Variants in PLS1 observed in about 807,000 individuals in gnomAD.
PLS1 encodes plastin 1.
Under a neutral mutation model 73.7 loss-of-function variants are expected in PLS1, and 32 were observed. That is an observed-to-expected ratio of 0.43 (90% CI 0.33 to 0.58). The LOEUF (loss-of-function observed/expected upper bound fraction) is 0.58, where lower values mean the gene tolerates loss of function less well. PLS1 is among the 20% of genes least tolerant of loss of function. The pLI, the probability that PLS1 is intolerant of heterozygous loss-of-function variation, is 0.04. For missense variants in PLS1, 633 were observed against 740.5 expected (o/e 0.85, Z 1.68); for synonymous variants, 217 against 261.3 (o/e 0.83, Z 1.63).
rs140388733 is a variant in PLS1, at chr3:142,666,795, C to G, written c.70+2488C>G. ...ACCAGGGTTCCATTTTCTTCACATC[C>G]TCACCAACACTTGTTTTCTGTTCTT... On this transcript the variant is annotated intron_variant, in intron 2 of 15. Transcript: ENST00000457734. 3.9e-5 allele frequency among the ~76,000 whole-genome samples: 6 copies of G among 152,312 alleles called. No homozygotes were observed. The East Asian group carries it at 9.6e-4, about 24-fold the overall frequency.
intron 1 of PLS1, among the ~76,000 whole-genome samples, chr3:142,597,987 A>G (rs1436197613): frequency 1.3e-5 from 2 of 152,018 alleles, no homozygotes; most frequent in African/African-American, 2.4e-5. Flanking sequence ...TCCCTCAGTC[A>G]CCTGGGCCCT....
At chr3:142,678,144 T>G (rs2037762751) in intron 6 of PLS1, 31 bp downstream of exon 6, 1 of 1,073,796 alleles carries the variant, frequency 9.3e-7, no homozygotes, top group East Asian at 2.7e-5. Flanking sequence ...TATTATCATG[T>G]TACTATGCTG....
chr3:142,686,354 C>A lies in PLS1; in HGVS notation c.959C>A (p.Ala320Asp). ...GGTGGGGAAGATGGACCTGCCATTG[C>A]CATTGACCTTTCAGGAATTAATGTG... ...PKGGEDGPAI[A>D]IDLSGINETN... The change falls in exon 9 of 16, where the codon GCC becomes GAC. Residue 320 changes from alanine to aspartate, a missense_variant. Physicochemically the swap from Ala to Asp is moderately radical, Grantham distance 126. Transcript: ENST00000457734. The A allele has an allele frequency of 6.2e-7, 1 of 1,604,704 alleles. No individual in the cohort carries two copies. The highest frequency in any genetic ancestry group is 8.5e-7 in the Non-Finnish European group (1 of 1,171,510).
At chr3:142,644,837 A>G (rs952178320) in intron 1 of PLS1, among the ~76,000 whole-genome samples, 2 of 152,160 alleles carry the variant, frequency 1.3e-5, no homozygotes, top group African/African-American at 2.4e-5. Flanking sequence ...GCAGTTATCA[A>G]TTTTTCTAAT....
At chr3:142,634,294 A>C (rs374172217) in intron 1 of PLS1, among the ~76,000 whole-genome samples, 24 of 152,314 alleles carry the variant, frequency 1.6e-4, no homozygotes, top group African/African-American at 4.8e-4. Flanking sequence ...AATTTGATGA[A>C]ACCTATAAAC....
chr3:142,711,476 T>A, intron 14 of PLS1, 25 bp from the exon 15 acceptor site: 1 of 1,517,436 alleles, frequency 6.6e-7, no homozygotes, highest in Non-Finnish European at 9.1e-7. Flanking sequence ...TGTTTATGAA[T>A]GTTCATCTAT....
intron 8 of PLS1, among the ~76,000 whole-genome samples, chr3:142,685,640 T>G (rs2037949025): frequency 6.6e-6 from 1 of 152,190 alleles, no homozygotes; most frequent in African/African-American, 2.4e-5. Flanking sequence ...TAGTTGGACT[T>G]CTTATGTAGA....
chr3:142,634,763 G>A (rs1025603989), intron 1 of PLS1, among the ~76,000 whole-genome samples: 2 of 151,958 alleles, frequency 1.3e-5, no homozygotes, highest in South Asian at 2.1e-4. Flanking sequence ...AGGAAATACA[G>A]GTCTGTACAA....
intron 1 of PLS1, among the ~76,000 whole-genome samples, chr3:142,618,643 A>G (rs1308365736): frequency 6.6e-6 from 1 of 152,134 alleles, no homozygotes; most frequent in Non-Finnish European, 1.5e-5. Flanking sequence ...CCCAGCTTCT[A>G]GAGGCCACCT....
intron 4 of PLS1, among the ~76,000 whole-genome samples, 172 bp downstream of exon 4, chr3:142,671,294 A>G (rs907228980): frequency 1.4e-4 from 22 of 152,234 alleles, no homozygotes; most frequent in Non-Finnish European, 2.5e-4. Flanking sequence ...TTTGAAATAC[A>G]TCTCAGTTTC....
intron 1 of PLS1, among the ~76,000 whole-genome samples, chr3:142,621,021 AAAAAT>A (rs1437582101): frequency 5.3e-5 from 8 of 152,290 alleles, no homozygotes; most frequent in Middle Eastern, 3.4e-3. Flanking sequence ...TCTGTCTCAA[AAAAAT>A]AAAATAAAAT....
intron 1 of PLS1, among the ~76,000 whole-genome samples, chr3:142,619,888 G>A (rs1214598647): frequency 6.6e-6 from 1 of 152,122 alleles, no homozygotes; most frequent in Non-Finnish European, 1.5e-5. Flanking sequence ...GGTATAATGG[G>A]CAAGGGAGTG....
At chr3:142,673,930 T>A (rs1230234264) in intron 4 of PLS1, 3 of 152,222 alleles carry the variant, frequency 2.0e-5, no homozygotes. Context: ...TTTGTCCATT[T>A]AAAAAATTAC....
In PLS1 at chr3:142,671,100, G is replaced by C; in HGVS notation, c.342G>C (p.Glu114Asp). 1 of 1,611,350 alleles carries C rather than the reference G, an allele frequency of 6.2e-7. No individual in the cohort carries two copies. The highest frequency in any genetic ancestry group is 8.5e-7 in the Non-Finnish European group (1 of 1,178,100). Residue 114 changes from glutamate (E) to aspartate (D), a missense_variant, in exon 4 of 16, where the codon GAG (glutamate) becomes GAC (aspartate). Glu to Asp is a conservative substitution (Grantham distance 45). Transcript: ENST00000457734. ...AIGGTSTISSEGTQHSYSEEE... is the reference protein window; with the variant it reads ...AIGGTSTISSDGTQHSYSEEE... ...GAGGAACTTCAACTATTTCCAGTGA[G>C]GGCACACAGCATTCTTATTCAGGTA... is the stretch of plus-strand genomic sequence containing the variant.
At chr3:142,697,855 T>C (rs2107935005) in intron 11 of PLS1, 98 bp from the exon 12 acceptor site, 1 of 645,934 alleles carries the variant, frequency 1.5e-6, no homozygotes, top group Admixed American at 2.7e-5. Context: ...AAATGACTTA[T>C]GTTCTTAAAG....
At chr3:142,664,341 G>T in intron 2 of PLS1, 34 bp downstream of exon 2, 1 of 1,104,196 alleles carries the variant, frequency 9.1e-7, no homozygotes, top group South Asian at 1.3e-5. Flanking sequence ...TGATATTACT[G>T]GTCTGCTTGA....
chr3:142,692,192 C>T (rs7628187), intron 10 of PLS1, among the ~76,000 whole-genome samples: 15,722 of 152,056 alleles, frequency 0.1, 2,634 homozygotes, highest in African/African-American at 0.35. Flanking sequence ...TATATGTTAA[C>T]TCCTCTTTTC....
rs1553793800 is a variant in PLS1 at position 142,696,759 on chromosome 3, T to TACC, written c.1257-1192_1257-1190dup. Among the ~76,000 whole-genome samples, 117 of 146,338 alleles carry TACC rather than the reference T, an allele frequency of 8.0e-4. 1 individual carries two copies. The highest frequency in any genetic ancestry group is 2.8e-3 in the African/African-American group (113 of 40,216). ...ATAATAATAATAATAATAATAATAA[T>TACC]ACCATACTAGACAGGAATGAGAATG... On this transcript the variant is annotated intron_variant, in intron 11 of 15. Coordinates refer to ENST00000457734, the MANE Select transcript of PLS1 (RefSeq NM_001145319.2).
chr3:142,673,122 GCCTCGA>G (rs1316015532), intron 4 of PLS1, among the ~76,000 whole-genome samples: 3 of 152,008 alleles, frequency 2.0e-5, no homozygotes, highest in Non-Finnish European at 1.5e-5. Flanking sequence ...TCTGACTGCA[GCCTCGA>G]CCTCCAGAGT....
Sources: gnomAD v4.1 joint callset for allele counts (sites outside exome capture counted in the v4.1 genomes callset) on GRCh38, gnomAD v4.1.1 for gene constraint, MANE v1.5 for transcripts, NCBI Gene and HGNC (gene_info 2026-07-23, HGNC 2026-07-21) for gene names.